The following GALNT1 variants were observed in gnomAD, a reference collection of about 807,000 sequenced individuals.
GALNT1 encodes the protein polypeptide N-acetylgalactosaminyltransferase 1.
A neutral mutation model predicts 65.7 loss-of-function variants in GALNT1; 17 were observed. The ratio of observed to expected loss-of-function variants is 0.26; its 90% CI spans 0.18 to 0.39. The LOEUF (loss-of-function observed/expected upper bound fraction) is 0.39, where lower values mean the gene tolerates loss of function less well. Ranked by LOEUF, GALNT1 falls within the 10% of genes least tolerant of loss-of-function variation. The pLI, the probability that GALNT1 is intolerant of heterozygous loss-of-function variation, is 1.00. For synonymous variants in GALNT1, 210 were observed against 219.7 expected, an observed-to-expected ratio of 0.96 and a Z score of 0.39; for missense variants, 460 against 672.8, an observed-to-expected ratio of 0.68 and a Z score of 3.50.
chr18:35,687,181 T>C lies in GALNT1; in HGVS notation c.855T>C (p.Pro285=). The C allele has an allele frequency of 1.2e-6, 2 of 1,611,122 alleles. No homozygotes were observed. The highest frequency in any genetic ancestry group is 1.7e-6 in the Non-Finnish European group (2 of 1,178,798). The change falls in exon 6 of 12, where the codon CCT becomes CCC. Residue 285 remains proline (P), a synonymous_variant. Transcript: ENST00000269195. ...MDRRKGDRTL[P]VRTPTMAGGL... Reference sequence around the variant, plus strand: ...GAAGGAAAGGTGATCGGACTCTTCCTGTCAGGTAATTAATTTGTCAGACAT... The same window carrying C: ...GAAGGAAAGGTGATCGGACTCTTCCCGTCAGGTAATTAATTTGTCAGACAT...
intron 1 of GALNT1, among the ~76,000 whole-genome samples, chr18:35,598,500 T>G (rs1204064935): frequency 6.6e-6 from 1 of 152,212 alleles, no homozygotes; most frequent in African/African-American, 2.4e-5. Flanking sequence ...TTTTTGTGCC[T>G]GGCTTATTTC....
chr18:35,629,769 GGATAAAGAGTCAA>G (rs1194928664), intron 1 of GALNT1, among the ~76,000 whole-genome samples: 12 of 152,152 alleles, frequency 7.9e-5, no homozygotes. Context: ...CTGGCAAATT[GGATAAAGAGTCAA>G]GACCCATCAG....
chr18:35,628,817 G>GA (rs1443289257), intron 1 of GALNT1, among the ~76,000 whole-genome samples: 5 of 152,068 alleles, frequency 3.3e-5, no homozygotes. Context: ...TAAAAACCTT[G>GA]AAAAAAGATT....
Position 35,691,147 on chromosome 18 carries a change from G to A in GALNT1, c.1114G>A (p.Val372Met), listed in dbSNP as rs1171284997. The change falls in exon 8 of 12, where the codon GTG (valine) becomes ATG (methionine). Residue 372 changes from valine (V) to methionine (M), a missense_variant. Transcript: ENST00000269195. ...TAAAAATAACAGACGACTTGCAGAA[G>A]TGTGGATGGATGAATTCAAGAATTT... ...INKNNRRLAEVWMDEFKNFFY... is the reference protein window; with the variant it reads ...INKNNRRLAEMWMDEFKNFFY... 1.9e-6 allele frequency: 3 copies of A among 1,609,714 alleles called. No homozygotes were observed. The highest frequency in any genetic ancestry group is 2.5e-6 in the Non-Finnish European group (3 of 1,178,678).
chr18:35,625,237 G>A (rs771250458), intron 1 of GALNT1, among the ~76,000 whole-genome samples: 6 of 152,166 alleles, frequency 3.9e-5, no homozygotes, highest in South Asian at 2.1e-4. Context: ...ACTGGCACAC[G>A]GTGGGTGAAG....
At chr18:35,594,374 G>T (rs2046479968) in intron 1 of GALNT1, among the ~76,000 whole-genome samples, 1 of 152,188 alleles carries the variant, frequency 6.6e-6, no homozygotes, top group South Asian at 2.1e-4. Flanking sequence ...TCTCTGTAGA[G>T]AGGCAAGGAC....
At chr18:35,656,192 G>A (rs1232150036) in intron 2 of GALNT1, among the ~76,000 whole-genome samples, 4 of 152,154 alleles carry the variant, frequency 2.6e-5, no homozygotes, top group Non-Finnish European at 4.4e-5. Flanking sequence ...TTTATAATAA[G>A]CTCATGGTGT....
Position 35,668,972 on chromosome 18 carries a change from T to C in GALNT1, c.314+5170T>C, listed in dbSNP as rs543251383. On this transcript the variant is annotated intron_variant, in intron 3 of 11. Coordinates refer to ENST00000269195, the MANE Select transcript of GALNT1 (RefSeq NM_020474.4). ...AAGCATTACACACAGCCGGGCGCAC[T>C]GACTCACGCCTGTAATCCCAGCACT... Among the ~76,000 whole-genome samples the C allele has an allele frequency of 2.8e-4, 43 of 152,352 alleles. 1 individual carries two copies. In the South Asian group the frequency reaches 4.8e-3, roughly 17 times the overall value.
At chr18:35,654,932 G>C in intron 2 of GALNT1, 131 bp downstream of exon 2, 8 of 558,964 alleles carry the variant, frequency 1.4e-5, no homozygotes, top group Non-Finnish European at 1.9e-5. Context: ...GAGATATGAG[G>C]ATCATATTGA....
chr18:35,669,671 A>G (rs890626755), intron 3 of GALNT1, among the ~76,000 whole-genome samples: 1 of 152,168 alleles, frequency 6.6e-6, no homozygotes, highest in Non-Finnish European at 1.5e-5. Context: ...ATAGAAGGGA[A>G]CTTCTTTAAT....
rs139837340 is a variant in GALNT1, at chr18:35,598,104, G to A, written c.-104+16242G>A. The stretch of plus-strand genomic sequence containing the variant: ...GCTGCCCAGGGTGGAGTGCAGTGGC[G>A]CGACCTCAGTTCACTGCAGCCTCCG... On this transcript the variant is annotated intron_variant, in intron 1 of 11. Coordinates refer to ENST00000269195, the MANE Select transcript of GALNT1 (RefSeq NM_020474.4). Among the ~76,000 whole-genome samples, 944 of 147,560 alleles carry A rather than the reference G, an allele frequency of 6.4e-3. 8 individuals are homozygous for A. Among genetic ancestry groups the A allele is most frequent in the African/African-American group, 0.021 (845 of 39,950 alleles).
At chr18:35,641,738 A>C (rs1196158229) in intron 1 of GALNT1, among the ~76,000 whole-genome samples, 1 of 152,230 alleles carries the variant, frequency 6.6e-6, no homozygotes, top group Admixed American at 6.5e-5. Context: ...ATAACAGTTC[A>C]CATCTGGTGG....
intron 7 of GALNT1, 38 bp from the exon 8 acceptor site, chr18:35,690,974 T>A (rs1427597144): frequency 2.7e-6 from 4 of 1,494,276 alleles, no homozygotes; most frequent in Non-Finnish European, 3.6e-6. Context: ...TCCTGATTAC[T>A]CAGCTACATG....
rs957524760 is a variant in GALNT1, at chr18:35,693,786, T to A, written c.1299+1466T>A. 2.6e-5 allele frequency among the ~76,000 whole-genome samples: 4 copies of A among 152,272 alleles called. No homozygotes were observed. The East Asian group carries it at 5.8e-4, about 22-fold the overall frequency. ...GAGAGGTTGTGATAGAGATGTTAAC[T>A]TAGGTTGTCAGCATATAGGATGGTT... is the stretch of plus-strand genomic sequence containing the variant. On this transcript the variant is annotated intron_variant, in intron 9 of 11. Transcript: ENST00000269195.
intron 8 of GALNT1, among the ~76,000 whole-genome samples, chr18:35,691,676 C>T (rs1397886813): frequency 6.6e-6 from 1 of 152,184 alleles, no homozygotes; most frequent in Non-Finnish European, 1.5e-5. Context: ...GAGCCCAAAA[C>T]GTGCCACAGG....
chr18:35,684,186 C>T (rs1235749522), intron 5 of GALNT1, among the ~76,000 whole-genome samples: 2 of 152,166 alleles, frequency 1.3e-5, no homozygotes, highest in African/African-American at 4.8e-5. Flanking sequence ...CTTCAGTCTG[C>T]TAGACCTATG....
At chr18:35,640,450 G>A (rs2047146740) in intron 1 of GALNT1, among the ~76,000 whole-genome samples, 1 of 152,296 alleles carries the variant, frequency 6.6e-6, no homozygotes, top group Admixed American at 6.5e-5. Flanking sequence ...GTTAGGAAAG[G>A]TCTAAATAAA....
At chr18:35,645,218 G>GTTTTTTTTTT (rs1166987925) in intron 1 of GALNT1, among the ~76,000 whole-genome samples, 1 of 54,368 alleles carries the variant, frequency 1.8e-5, no homozygotes, top group Non-Finnish European at 3.4e-5. Context: ...TATTTTGAAT[G>GTTTTTTTTTT]TTTTTTTTTT....
At chr18:35,634,823 A>G (rs987582715) in intron 1 of GALNT1, among the ~76,000 whole-genome samples, 1 of 152,216 alleles carries the variant, frequency 6.6e-6, no homozygotes, top group African/African-American at 2.4e-5. Context: ...ACTGTTCACC[A>G]TTAAAGTTTC....
Sources: allele counts gnomAD v4.1 joint callset (sites outside exome capture counted in the v4.1 genomes callset), GRCh38; gene constraint gnomAD v4.1.1; transcripts MANE v1.5; gene names NCBI Gene and HGNC (gene_info 2026-07-23, HGNC 2026-07-21).